The following TCF4 variants were observed in gnomAD, a reference collection of about 807,000 sequenced individuals.
TCF4 encodes SL3-3 enhancer factor 2.
TCF4 carries 3 observed loss-of-function variants against 82.1 expected under a neutral mutation model. The ratio of observed to expected loss-of-function variants is 0.04; its 90% CI spans 0.02 to 0.09. TCF4 has a LOEUF of 0.09. Ranked by LOEUF, TCF4 falls within the 10% of genes least tolerant of loss-of-function variation. The pLI, the probability that TCF4 is intolerant of heterozygous loss-of-function variation, is 1.00. For synonymous variants in TCF4, 276 were observed against 309.6 expected, an observed-to-expected ratio of 0.89 and a Z score of 1.14; for missense variants, 518 against 852.7, an observed-to-expected ratio of 0.61 and a Z score of 4.89.
At chr18:55,451,660 T>A (rs2144380257) in intron 5 of TCF4, among the ~76,000 whole-genome samples, 1 of 152,346 alleles carries the variant, frequency 6.6e-6, no homozygotes, top group South Asian at 2.1e-4. Flanking sequence ...CAGGATTCCC[T>A]AACTATACTG....
intron 3 of TCF4, among the ~76,000 whole-genome samples, chr18:55,570,691 G>T (rs139155275): frequency 1.1e-4 from 17 of 151,984 alleles, no homozygotes; most frequent in African/African-American, 4.1e-4. Flanking sequence ...AGACCAGCCC[G>T]GGCAACATGG....
chr18:55,516,795 G>A (rs1450608030), intron 3 of TCF4, among the ~76,000 whole-genome samples: 2 of 152,020 alleles, frequency 1.3e-5, no homozygotes, highest in East Asian at 1.9e-4. Flanking sequence ...TGTGGCTGGT[G>A]TAGAGTGGGA....
intron 5 of TCF4, chr18:55,404,033 G>A: frequency 8.6e-7 from 1 of 1,166,348 alleles, no homozygotes; most frequent in Non-Finnish European, 1.1e-6. Flanking sequence ...CCCTTTCCCA[G>A]GAGTGAACCC....
intron 4 of TCF4, among the ~76,000 whole-genome samples, chr18:55,461,941 C>A (rs1324408025): frequency 2.0e-5 from 3 of 152,132 alleles, no homozygotes; most frequent in African/African-American, 7.2e-5. Context: ...CATGGTTCAA[C>A]TTTCAGTCTA....
At chr18:55,572,861 C>G (rs1424036828) in intron 3 of TCF4, among the ~76,000 whole-genome samples, 2 of 152,108 alleles carry the variant, frequency 1.3e-5, no homozygotes, top group East Asian at 3.9e-4. Context: ...CGAGACCAGT[C>G]TGACCAACAC....
At chr18:55,538,777 T>C (rs2097140458) in intron 3 of TCF4, among the ~76,000 whole-genome samples, 1 of 152,190 alleles carries the variant, frequency 6.6e-6, no homozygotes, top group Admixed American at 6.5e-5. Flanking sequence ...TTCTGTGTAT[T>C]CTCTAGATGG....
intron 3 of TCF4, among the ~76,000 whole-genome samples, chr18:55,478,165 T>C (rs1360429260): frequency 6.6e-6 from 1 of 152,216 alleles, no homozygotes; most frequent in African/African-American, 2.4e-5. Context: ...TCTGATGAGA[T>C]TAGCAGACAG....
intron 3 of TCF4, among the ~76,000 whole-genome samples, chr18:55,547,822 C>T (rs1176720153): frequency 1.3e-5 from 2 of 152,162 alleles, no homozygotes; most frequent in African/African-American, 2.4e-5. Flanking sequence ...CTGCCATTTT[C>T]GCAGTGATTC....
intron 2 of TCF4, among the ~76,000 whole-genome samples, chr18:55,612,025 C>T (rs941299488): frequency 6.6e-6 from 1 of 152,204 alleles, no homozygotes; most frequent in African/African-American, 2.4e-5. Flanking sequence ...CCCGCCTTGG[C>T]CTCCCAAAGT....
intron 6 of TCF4, among the ~76,000 whole-genome samples, chr18:55,375,374 A>T (rs1293233761): frequency 6.6e-6 from 1 of 152,092 alleles, no homozygotes; most frequent in Non-Finnish European, 1.5e-5. Context: ...ACACACATTC[A>T]TTTTAAGAAG....
chr18:55,342,809 G>A (rs1427737137), intron 8 of TCF4, among the ~76,000 whole-genome samples: 2 of 152,134 alleles, frequency 1.3e-5, no homozygotes, highest in Non-Finnish European at 2.9e-5. Flanking sequence ...CTGAGCACCT[G>A]TGAAACAACC....
chr18:55,225,125 T>G lies in TCF4; in HGVS notation c.*2910A>C, dbSNP rs2046427955. 6.6e-6 allele frequency: 1 copy of G among 152,254 alleles called. No homozygotes were observed. Among genetic ancestry groups the G allele is most frequent in the Non-Finnish European group, 1.5e-5 (1 of 68,020 alleles). 9.4% of individuals were successfully genotyped at this position (152,254 alleles called of 1,614,324 possible). On this transcript the variant is annotated 3_prime_UTR_variant, in exon 20 of 20. Transcript: ENST00000354452. ...ATACAACCCAATTAATATGGATAGG[T>G]GCAGATTATGTTTCTCCACCAAGCA...
chr18:55,222,460 GCAAA>G lies in TCF4; in HGVS notation c.*5571_*5574del, dbSNP rs2045994222. ...GAAATTTCATAAAATTTAAATATCT[GCAAA>G]CAGTCCAACCAAAAACGAAAAAAAA... On this transcript the variant is annotated 3_prime_UTR_variant, in exon 20 of 20. Transcript: ENST00000354452. The G allele has an allele frequency of 2.0e-5, 3 of 150,436 alleles. No homozygotes were observed. The highest frequency in any genetic ancestry group is 3.4e-3 in the Middle Eastern group (1 of 290). 9.3% of individuals were successfully genotyped at this position (150,436 alleles called of 1,614,324 possible). A position where few individuals can be genotyped will look rare whatever the true frequency, so the allele number is the denominator to read the frequency against.
chr18:55,322,446 A>C (rs1050126739), intron 8 of TCF4: 58 of 1,007,976 alleles, frequency 5.8e-5, no homozygotes, highest in East Asian at 2.9e-4. Context: ...AAAAAAAAAA[A>C]AAAACACCAC....
intron 6 of TCF4, among the ~76,000 whole-genome samples, chr18:55,362,385 G>GAAA (rs2085527115): frequency 1.6e-4 from 13 of 82,784 alleles, no homozygotes; most frequent in Non-Finnish European, 3.0e-4. Context: ...AAGGAAGGAA[G>GAAA]GAAGGAAAGA....
intron 2 of TCF4, among the ~76,000 whole-genome samples, chr18:55,599,809 G>A (rs1204004566): frequency 6.6e-6 from 1 of 152,194 alleles, no homozygotes; most frequent in East Asian, 1.9e-4. Flanking sequence ...ATACATCAGT[G>A]TAACCACTAC....
intron 6 of TCF4, chr18:55,351,679 A>T (rs1399334415): frequency 3.9e-6 from 1 of 254,968 alleles, no homozygotes; most frequent in South Asian, 1.5e-4. Context: ...TTACCTGAAC[A>T]CTAGAAAACT....
intron 5 of TCF4, among the ~76,000 whole-genome samples, chr18:55,407,434 T>C (rs186261428): frequency 2.0e-5 from 3 of 152,276 alleles, no homozygotes; most frequent in African/African-American, 7.2e-5. Context: ...GAGATCAACA[T>C]GCAGCCCCGT....
intron 3 of TCF4, among the ~76,000 whole-genome samples, chr18:55,504,901 G>C (rs1056146021): frequency 1.3e-5 from 2 of 152,270 alleles, no homozygotes; most frequent in East Asian, 3.9e-4. Context: ...GCAATTATAA[G>C]GTGCAGAAAG....
Sources: allele counts gnomAD v4.1 joint callset (sites outside exome capture counted in the v4.1 genomes callset), GRCh38; gene constraint gnomAD v4.1.1; transcripts MANE v1.5; gene names NCBI Gene and HGNC (gene_info 2026-07-23, HGNC 2026-07-21).